TNS1: variants seen among roughly 807,000 people sequenced by gnomAD.
TNS1 encodes tensin-1.
Under a neutral mutation model 168.6 loss-of-function variants are expected in TNS1, and 62 were observed. The ratio of observed to expected loss-of-function variants is 0.37; its 90% CI spans 0.30 to 0.45. The LOEUF is 0.45. Among genes scored for constraint, TNS1 ranks in the 20% least tolerant of loss-of-function variants. The probability of loss-of-function intolerance (pLI) is 1.00; values close to 1 mark genes in which losing one functional copy is unlikely to be tolerated. For synonymous variants in TNS1, 934 were observed against 933.2 expected (o/e 1.00, Z -0.02); for missense variants, 2,240 against 2,339.4 (o/e 0.96, Z 0.88).
chr2:217,966,101 C>T (rs975141030), intron 3 of TNS1, among the ~76,000 whole-genome samples: 2 of 152,180 alleles, frequency 1.3e-5, no homozygotes, highest in Non-Finnish European at 2.9e-5. Flanking sequence ...CCTCTGGTCT[C>T]TCAGATGCAG....
At chr2:217,979,070 G>A (rs1032538777) in intron 2 of TNS1, 3 of 453,996 alleles carry the variant, frequency 6.6e-6, no homozygotes, top group Non-Finnish European at 1.2e-5. Context: ...CGGGAAGGTG[G>A]GGGGAGCAAA....
chr2:217,835,084 T>A lies in TNS1; in HGVS notation c.3280+7A>T, dbSNP rs1212236845. The A allele has an allele frequency of 6.4e-7, 1 of 1,563,000 alleles. No individual in the cohort carries two copies. Among genetic ancestry groups the A allele is most frequent in the South Asian group, 1.2e-5 (1 of 81,866 alleles). ...CAGGGAAGACGAGCTTCACAGGGAA[T>A]TCTTACCCCCACTGGGTGGTGGGCT... is the stretch of plus-strand genomic sequence containing the variant. On this transcript the variant is annotated splice_region_variant and intron_variant, in intron 21 of 32. Coordinates refer to ENST00000682258, the MANE Select transcript of TNS1 (RefSeq NM_001387777.1).
intron 18 of TNS1, chr2:217,849,690 T>C (rs923017077): frequency 1.0e-6 from 1 of 985,460 alleles, no homozygotes; most frequent in Admixed American, 6.1e-5. Context: ...TGCTTCGATG[T>C]CTGGAGTTCC....
At chr2:217,852,327 C>T (rs1422740037) in intron 18 of TNS1, among the ~76,000 whole-genome samples, 1 of 152,138 alleles carries the variant, frequency 6.6e-6, no homozygotes, top group Non-Finnish European at 1.5e-5. Context: ...AGGCCCCCTC[C>T]TGAGCCAGGG....
At chr2:217,930,750 C>G (rs1293032582) in intron 3 of TNS1, among the ~76,000 whole-genome samples, 1 of 152,168 alleles carries the variant, frequency 6.6e-6, no homozygotes, top group Non-Finnish European at 1.5e-5. Flanking sequence ...TAGGGGGAAG[C>G]CAGCCGCCAT....
At position 217,991,038 on chromosome 2, in the gene TNS1, G is replaced by A. The variant is rs1958353651; in HGVS notation, c.52C>T (p.Pro18Ser). 1.5e-6 allele frequency: 1 copy of A among 685,544 alleles called. No homozygotes were observed. The highest frequency in any genetic ancestry group is 2.7e-6 in the Non-Finnish European group (1 of 372,450). 42.5% of individuals were successfully genotyped at this position (685,544 alleles called of 1,614,324 possible). Residue 18 changes from proline (P) to serine (S), a missense_variant, in exon 2 of 33, where the codon CCC becomes TCC. Around this residue, in one of 2 missense-constraint regions of TNS1, gnomAD observed 2,131 missense variants for 2,171.2 expected, o/e 0.98. Coordinates refer to ENST00000682258, the MANE Select transcript of TNS1 (RefSeq NM_001387777.1). ...TTCACCTTGAAGCGGTGTGTCTTGG[G>A]GGCCTCCAGATCCTCTGGCTGTGGG... is the stretch of plus-strand genomic sequence containing the variant. ...CMLWPEDLEA[P>S]KTHRFKVKTF...
intron 3 of TNS1, among the ~76,000 whole-genome samples, chr2:217,930,953 G>T (rs1311299451): frequency 6.6e-6 from 1 of 152,100 alleles, no homozygotes; most frequent in Non-Finnish European, 1.5e-5. Context: ...CAAGGAAAGG[G>T]CTGTGGTCTG....
At chr2:217,914,483 T>A (rs1281819925) in intron 4 of TNS1, among the ~76,000 whole-genome samples, 1 of 150,872 alleles carries the variant, frequency 6.6e-6, no homozygotes, top group African/African-American at 2.4e-5. Flanking sequence ...CTGATAGGTA[T>A]CAGTAAGAAT....
intron 3 of TNS1, among the ~76,000 whole-genome samples, chr2:217,960,188 G>A (rs1957463095): frequency 6.6e-6 from 1 of 152,156 alleles, no homozygotes; most frequent in Non-Finnish European, 1.5e-5. Context: ...TCCAGGAACA[G>A]GACATCCACC....
Position 217,848,161 on chromosome 2 carries a change from G to A in TNS1, c.2356C>T (p.Arg786Cys), listed in dbSNP as rs767974267. The A allele has an allele frequency of 9.4e-6, 15 of 1,603,278 alleles. No individual in the cohort carries two copies. The highest frequency in any genetic ancestry group is 4.5e-5 in the East Asian group (2 of 44,852). Residue 786 changes from arginine to cysteine, a missense_variant, in exon 19 of 33, where the codon CGC (arginine) becomes TGC (cysteine). Physicochemically the swap from Arg to Cys is radical, Grantham distance 180. Coordinates refer to ENST00000682258, the MANE Select transcript of TNS1 (RefSeq NM_001387777.1). ...CTTTCCTGCTGGCGTGGAGGTGGGC[G>A]AGGCTGCTGCTGCTGCTGCTGCTGC... ...QQQQQQQQQP[R>C]PPPRQQERAH...
At position 218,009,624 on chromosome 2, in the gene TNS1, C is replaced by T. The variant is rs531800696; in HGVS notation, c.96+476G>A. Among the ~76,000 whole-genome samples the T allele has an allele frequency of 2.0e-5, 3 of 152,288 alleles. No individual in the cohort carries two copies. In the South Asian group the frequency reaches 6.2e-4, roughly 32 times the overall value. On this transcript the variant is annotated intron_variant, in intron 1 of 32. Transcript: ENST00000646520. ...AAGTGGGAAATCCCTCCTGCCGTCC[C>T]CCAGCCACCCCATTCCCGTGTTCAT...
intron 8 of TNS1, 145 bp from the exon 9 acceptor site, chr2:217,895,201 G>T: frequency 1.2e-6 from 1 of 800,214 alleles, no homozygotes; most frequent in Non-Finnish European, 2.1e-6. Flanking sequence ...GCATCCAGCA[G>T]AGCGTCAATG....
chr2:217,880,897 C>T lies in TNS1; in HGVS notation c.1429+1G>A. 1 of 1,612,198 alleles carries T rather than the reference C, an allele frequency of 6.2e-7. No homozygotes were observed. The highest frequency in any genetic ancestry group is 1.3e-5 in the African/African-American group (1 of 74,980). On this transcript the variant is annotated splice_donor_variant, in intron 18 of 32. Transcript: ENST00000682258. LOFTEE classifies it high-confidence loss of function. This position sits in a 1 kb window ranked among gnomAD's most constrained non-coding sequence, Gnocchi z 4.2. Reference sequence around the variant, plus strand: ...GCTGGGAGCCACTAGGTCCCACCTACCCTCCATGCCGTCATCTCGATGCCC... The same window carrying T: ...GCTGGGAGCCACTAGGTCCCACCTATCCTCCATGCCGTCATCTCGATGCCC...
chr2:218,008,985 G>A (rs1958682968), intron 1 of TNS1, among the ~76,000 whole-genome samples: 1 of 152,148 alleles, frequency 6.6e-6, no homozygotes, highest in African/African-American at 2.4e-5. Context: ...TCCAAACGAT[G>A]TAGATATTTT....
At chr2:218,007,529 T>C (rs1184692025), upstream of TNS1, among the ~76,000 whole-genome samples, 1 of 119,148 alleles carries the variant, frequency 8.4e-6, no homozygotes, top group African/African-American at 3.2e-5. Flanking sequence ...AACTGTTCTC[T>C]CCACTCGCCT....
At chr2:217,969,858 T>C (rs538680326) in intron 3 of TNS1, among the ~76,000 whole-genome samples, 49 of 152,350 alleles carry the variant, frequency 3.2e-4, no homozygotes, top group African/African-American at 1.2e-3. Flanking sequence ...AGCTATGTTA[T>C]GGGTTGAATT....
rs148598641 is a variant in TNS1, at chr2:217,817,715, G to A, written c.4617C>T (p.Pro1539=). The stretch of plus-strand genomic sequence containing the variant: ...CTGGCATGGAGTACTTGGAGAAGTC[G>A]GGCAGAGTGTGGGAGAAGGAGACGG... The part of the protein sequence containing the change: ...GSTVSFSHTL[P]DFSKYSMPDN... Residue 1539 remains proline (P), a synonymous_variant, in exon 24 of 33, where the codon CCC becomes CCT. Coordinates refer to ENST00000682258, the MANE Select transcript of TNS1 (RefSeq NM_001387777.1). 1.6e-4 allele frequency: 255 copies of A among 1,601,288 alleles called. No homozygotes were observed. The highest frequency in any genetic ancestry group is 5.5e-4 in the Admixed American group (33 of 59,748).
At chr2:217,822,064 A>C in intron 22 of TNS1, 126 bp from the exon 23 acceptor site, 2 of 1,046,282 alleles carry the variant, frequency 1.9e-6, no homozygotes, top group Non-Finnish European at 2.7e-6. Flanking sequence ...ATAGCCCCCA[A>C]AGGACAGGCA....
chr2:217,998,968 C>A (rs1032836154), intron 1 of TNS1, among the ~76,000 whole-genome samples: 2 of 152,192 alleles, frequency 1.3e-5, no homozygotes, highest in African/African-American at 4.8e-5. Flanking sequence ...TTGAAGAGAG[C>A]AGGCCCTCCA....
Sources: gnomAD v4.1 joint callset for allele counts (sites outside exome capture counted in the v4.1 genomes callset) on GRCh38, gnomAD v4.1.1 for gene constraint, gnomAD v4.1.1 regional missense constraint, Gnocchi (gnomAD v3.1) non-coding constraint, MANE v1.5 for transcripts, NCBI Gene and HGNC (gene_info 2026-07-23, HGNC 2026-07-21) for gene names.